RABL3: variants seen among roughly 807,000 people sequenced by gnomAD.
RABL3 encodes RAB, member of RAS oncogene family like 3.
Under a neutral mutation model 31.8 loss-of-function variants are expected in RABL3, and 31 were observed. That is an observed-to-expected ratio of 0.97 (90% CI 0.73 to 1.31). The LOEUF (loss-of-function observed/expected upper bound fraction) is 1.31, where lower values mean the gene tolerates loss of function less well. Ranked by LOEUF, RABL3 falls within the 40% of genes most tolerant of loss-of-function variation. The probability of loss-of-function intolerance (pLI) is 0.00; values close to 1 mark genes in which losing one functional copy is unlikely to be tolerated. For synonymous variants in RABL3, 97 were observed against 99.9 expected, an observed-to-expected ratio of 0.97 and a Z score of 0.18; for missense variants, 263 against 279.6, an observed-to-expected ratio of 0.94 and a Z score of 0.42.
rs942415901 is a variant in RABL3 at position 120,694,038 on chromosome 3, T to G, written c.606+115A>C. 3 of 629,558 alleles carry G rather than the reference T, an allele frequency of 4.8e-6. No homozygotes were observed. The African/African-American group carries it at 5.5e-5, about 12-fold the overall frequency. 39.0% of individuals were successfully genotyped at this position (629,558 alleles called of 1,614,324 possible). ...ATAAGAGAGATCAAAACAAGGATTATTCCAGGCTGTGAAGTTTTGGACAAA... is the reference window on the plus strand; with the variant it reads ...ATAAGAGAGATCAAAACAAGGATTAGTCCAGGCTGTGAAGTTTTGGACAAA... On this transcript the variant is annotated intron_variant, in intron 6 of 7. Transcript: ENST00000273375.
chr3:120,736,933 C>G (rs1708974575), intron 1 of RABL3, among the ~76,000 whole-genome samples: 1 of 152,242 alleles, frequency 6.6e-6, no homozygotes, highest in Admixed American at 6.5e-5. Flanking sequence ...GGTAACCTGA[C>G]TTTTCTCTCT....
chr3:120,697,861 C>A (rs1370232241), intron 5 of RABL3, among the ~76,000 whole-genome samples: 2 of 152,142 alleles, frequency 1.3e-5, no homozygotes, highest in South Asian at 2.1e-4. Context: ...ATTTTAAAAA[C>A]CTTTCTCAAG....
chr3:120,707,226 T>C (rs1200183951), intron 3 of RABL3, among the ~76,000 whole-genome samples: 1 of 152,168 alleles, frequency 6.6e-6, no homozygotes, highest in Non-Finnish European at 1.5e-5. Context: ...AGCTGACTTG[T>C]TCCAGCCAGC....
Position 120,687,636 on chromosome 3 carries a change from AG to A in RABL3, c.*2186del. 6.6e-6 allele frequency: 1 copy of A among 152,296 alleles called. No homozygotes were observed. Among genetic ancestry groups the A allele is most frequent in the Admixed American group, 6.5e-5 (1 of 15,292 alleles). 9.4% of individuals were successfully genotyped at this position (152,296 alleles called of 1,614,324 possible). Reference sequence around the variant, plus strand: ...CTAATAATTGCAACAAATTTACCTTAGATTATTAAAAACTATTTTTTCTTAG... The same window carrying A: ...CTAATAATTGCAACAAATTTACCTTAATTATTAAAAACTATTTTTTCTTAG... On this transcript the variant is annotated 3_prime_UTR_variant, in exon 8 of 8. Transcript: ENST00000273375.
chr3:120,697,476 G>A (rs570123966), intron 5 of RABL3, among the ~76,000 whole-genome samples: 1 of 152,334 alleles, frequency 6.6e-6, no homozygotes, highest in Non-Finnish European at 1.5e-5. Flanking sequence ...CACCACCACT[G>A]CATTTCTGGA....
At chr3:120,727,040 G>C (rs1708829965) in intron 2 of RABL3, among the ~76,000 whole-genome samples, 1 of 152,000 alleles carries the variant, frequency 6.6e-6, no homozygotes, top group Non-Finnish European at 1.5e-5. Flanking sequence ...GCTGTGCTTA[G>C]ATAGAAATTT....
chr3:120,705,207 T>C (rs902975627), intron 4 of RABL3, among the ~76,000 whole-genome samples: 7 of 152,164 alleles, frequency 4.6e-5, no homozygotes, highest in African/African-American at 1.4e-4. Flanking sequence ...AACTGGAAGA[T>C]GCAACAGAAT....
At chr3:120,723,465 T>G (rs1416442224) in intron 2 of RABL3, among the ~76,000 whole-genome samples, 1 of 152,214 alleles carries the variant, frequency 6.6e-6, no homozygotes, top group East Asian at 1.9e-4. Flanking sequence ...AGCATCATCC[T>G]GATACCAAAG....
intron 1 of RABL3, among the ~76,000 whole-genome samples, chr3:120,737,103 A>G (rs1300602897): frequency 6.6e-6 from 1 of 152,318 alleles, no homozygotes; most frequent in East Asian, 1.9e-4. Flanking sequence ...TCTCCTGGAT[A>G]ATATCCTGCA....
rs760379638 is a variant in RABL3 at position 120,742,460 on chromosome 3, A to T, written c.46+2T>A. ...GCCCCAGAGGTAGGGTAAGCCGCTC[A>T]CCTGAGTCTCCCAACACCAGTACCT... On this transcript the variant is annotated splice_donor_variant, in intron 1 of 7. Transcript: ENST00000273375. LOFTEE classifies it high-confidence loss of function. 3.1e-6 allele frequency: 5 copies of T among 1,613,926 alleles called. No homozygotes were observed. Among genetic ancestry groups the T allele is most frequent in the Non-Finnish European group, 4.2e-6 (5 of 1,179,940 alleles).
At chr3:120,693,564 C>G (rs1708403751) in intron 6 of RABL3, among the ~76,000 whole-genome samples, 1 of 152,120 alleles carries the variant, frequency 6.6e-6, no homozygotes, top group South Asian at 2.1e-4. Context: ...AGTTGTATGG[C>G]TTTGTGAAGG....
intron 2 of RABL3, among the ~76,000 whole-genome samples, chr3:120,719,805 A>C (rs1708715122): frequency 6.6e-6 from 1 of 152,178 alleles, no homozygotes; most frequent in Admixed American, 6.5e-5. Flanking sequence ...TGCAGACTTA[A>C]ATGTCCCTGT....
Position 120,685,025 on chromosome 3 carries a change from T to C in RABL3, c.*4798A>G, listed in dbSNP as rs764304041. On this transcript the variant is annotated 3_prime_UTR_variant, in exon 8 of 8. Coordinates refer to ENST00000273375, the MANE Select transcript of RABL3 (RefSeq NM_173825.5). ...ACAATTTTTGAAAACCATCACAACA[T>C]AGTGTAAGTGCTCTGACAGGAAAGA... 6.6e-6 allele frequency among the ~76,000 whole-genome samples: 1 copy of C among 152,196 alleles called. No individual in the cohort carries two copies. Among genetic ancestry groups the C allele is most frequent in the Admixed American group, 6.5e-5 (1 of 15,286 alleles).
Position 120,739,175 on chromosome 3 carries a change from G to A in RABL3, c.46+3287C>T, listed in dbSNP as rs550567799. Among the ~76,000 whole-genome samples, 23 of 152,224 alleles carry A rather than the reference G, an allele frequency of 1.5e-4. No homozygotes were observed. In the South Asian group the frequency reaches 2.1e-3, roughly 14 times the overall value. On this transcript the variant is annotated intron_variant, in intron 1 of 7. Transcript: ENST00000273375. ...AGGCAGATCACGAGGTCAGGAGTTC[G>A]AGACCAGCCTGGCCAAAATGGTGAA... is the stretch of plus-strand genomic sequence containing the variant.
At chr3:120,690,592 T>A in intron 6 of RABL3, 105 bp from the exon 7 acceptor site, 1 of 757,618 alleles carries the variant, frequency 1.3e-6, no homozygotes, top group South Asian at 1.7e-5. Context: ...AAACTAAGAA[T>A]CTTTTCCATA....
At chr3:120,693,045 T>C (rs1425714394) in intron 6 of RABL3, among the ~76,000 whole-genome samples, 2 of 152,134 alleles carry the variant, frequency 1.3e-5, no homozygotes, top group African/African-American at 4.8e-5. Flanking sequence ...ACGTAGAAAA[T>C]GCTAATATTT....
chr3:120,733,585 T>C (rs1708915078), intron 1 of RABL3, among the ~76,000 whole-genome samples: 1 of 152,230 alleles, frequency 6.6e-6, no homozygotes, highest in Non-Finnish European at 1.5e-5. Flanking sequence ...CAATTTTGGC[T>C]TTTGTTGCCA....
intron 2 of RABL3, among the ~76,000 whole-genome samples, chr3:120,717,279 A>C (rs1201434929): frequency 3.5e-5 from 4 of 114,596 alleles, no homozygotes; most frequent in Non-Finnish European, 6.7e-5. Flanking sequence ...AAAAAAAAAA[A>C]CAACAAAAAA....
In RABL3 at chr3:120,689,903, G is replaced by A. The variant is rs762251396; in HGVS notation, c.646-15C>T. The A allele has an allele frequency of 1.2e-6, 2 of 1,604,804 alleles. No homozygotes were observed. Among genetic ancestry groups the A allele is most frequent in the South Asian group, 2.2e-5 (2 of 90,824 alleles). ...AAGCCTGGAATCTGTAGGCAAGAAA[G>A]ATAATTGCATTAAGTCTCAAGCAAT... On this transcript the variant is annotated splice_polypyrimidine_tract_variant and intron_variant, in intron 7 of 7. Coordinates refer to ENST00000273375, the MANE Select transcript of RABL3 (RefSeq NM_173825.5).
Sources: gnomAD v4.1 joint callset for allele counts (sites outside exome capture counted in the v4.1 genomes callset) on GRCh38, gnomAD v4.1.1 for gene constraint, MANE v1.5 for transcripts, NCBI Gene and HGNC (gene_info 2026-07-23, HGNC 2026-07-21) for gene names.